The following DENND10 variants were observed in gnomAD, a reference collection of about 807,000 sequenced individuals.
DENND10 encodes the protein DENN domain-containing protein 10.
In DENND10, 24 loss-of-function variants were observed where a neutral mutation model predicts 43.6. That is an observed-to-expected ratio of 0.55 (90% CI 0.40 to 0.77). DENND10 has a LOEUF of 0.77. Ranked by LOEUF, DENND10 falls within the 30% of genes least tolerant of loss-of-function variation. The pLI is 0.00. For synonymous variants in DENND10, 125 were observed against 157.6 expected, an observed-to-expected ratio of 0.79 and a Z score of 1.55; for missense variants, 303 against 429.9, an observed-to-expected ratio of 0.70 and a Z score of 2.61.
chr10:119,105,523 G>A, intron 1 of DENND10: 1 of 1,164,348 alleles, frequency 8.6e-7, no homozygotes, highest in Non-Finnish European at 1.1e-6. Context: ...TTTCTAATGT[G>A]ATTTTCAAAC....
At chr10:119,124,084 T>C (rs1359356467) in intron 6 of DENND10, among the ~76,000 whole-genome samples, 2 of 151,100 alleles carry the variant, frequency 1.3e-5, no homozygotes, top group African/African-American at 4.9e-5. Flanking sequence ...TCCCAGCTAC[T>C]TGGGAGGCTG....
intron 6 of DENND10, among the ~76,000 whole-genome samples, chr10:119,128,459 T>C (rs941032636): frequency 3.3e-5 from 5 of 151,724 alleles, no homozygotes; most frequent in Admixed American, 6.6e-5. Context: ...AATACAAAAA[T>C]TAGCCAGGCG....
intron 6 of DENND10, among the ~76,000 whole-genome samples, chr10:119,126,996 T>C (rs1845868365): frequency 6.6e-6 from 1 of 151,750 alleles, no homozygotes; most frequent in Admixed American, 6.6e-5. Context: ...CTTCCTGGGC[T>C]TAAGCCATCC....
rs192969657 is a variant in DENND10 at position 119,109,611 on chromosome 10, G to T, written c.252+1447G>T. On this transcript the variant is annotated intron_variant, in intron 2 of 8. Coordinates refer to ENST00000361432, the MANE Select transcript of DENND10 (RefSeq NM_207009.4). ...ATTCATAGTTACAAAATATAAATTT[G>T]CAAGAAGATACTTTTTTTTTTTTTT... 5.4e-3 allele frequency among the ~76,000 whole-genome samples: 820 copies of T among 151,226 alleles called. 8 individuals are homozygous for T. The highest frequency in any genetic ancestry group is 0.019 in the African/African-American group (765 of 41,326).
intron 1 of DENND10, 23 bp downstream of exon 1, chr10:119,104,220 T>G: frequency 6.6e-7 from 1 of 1,504,182 alleles, no homozygotes; most frequent in South Asian, 1.3e-5. Context: ...GCGCCCTGCC[T>G]GGAAGCCCGC....
chr10:119,109,464 T>C (rs1844874383), intron 2 of DENND10, among the ~76,000 whole-genome samples: 2 of 152,148 alleles, frequency 1.3e-5, no homozygotes, highest in South Asian at 4.1e-4. Flanking sequence ...TAGGGCTAAT[T>C]TATAGCCAAT....
rs138381149 is a variant in DENND10 at position 119,135,555 on chromosome 10, G to A, written c.898-916G>A. Among the ~76,000 whole-genome samples, 1,060 of 152,056 alleles carry A rather than the reference G, an allele frequency of 7.0e-3. 8 individuals carry two copies. The highest frequency in any genetic ancestry group is 0.014 in the South Asian group (67 of 4,812). ...CTAATGAAATAAGCCAGACACTAAA[G>A]GGTAAATGTTGTATGATTCCACTTA... On this transcript the variant is annotated intron_variant, in intron 8 of 8. Transcript: ENST00000361432.
intron 8 of DENND10, chr10:119,134,637 G>A: frequency 6.6e-6 from 1 of 152,024 alleles, no homozygotes; most frequent in South Asian, 2.1e-4. Context: ...ACAGGCGTGA[G>A]CCACCATGCC....
intron 3 of DENND10, among the ~76,000 whole-genome samples, chr10:119,117,256 C>T (rs1430260211): frequency 6.6e-6 from 1 of 151,930 alleles, no homozygotes; most frequent in Non-Finnish European, 1.5e-5. Flanking sequence ...CCTGTAATCC[C>T]AGGTACTCGG....
At chr10:119,107,699 C>T (rs1036359970) in intron 1 of DENND10, among the ~76,000 whole-genome samples, 4 of 152,070 alleles carry the variant, frequency 2.6e-5, no homozygotes, top group Non-Finnish European at 5.9e-5. Flanking sequence ...CCATCGTGCC[C>T]GGCCAAAACT....
At chr10:119,130,660 C>G (rs761122301) in intron 7 of DENND10, among the ~76,000 whole-genome samples, 1 of 152,180 alleles carries the variant, frequency 6.6e-6, no homozygotes, top group African/African-American at 2.4e-5. Context: ...GGTAGTTTGG[C>G]TCAGGAAGTT....
intron 1 of DENND10, among the ~76,000 whole-genome samples, chr10:119,106,534 G>A (rs1488631816): frequency 1.3e-5 from 2 of 151,982 alleles, no homozygotes; most frequent in East Asian, 3.9e-4. Flanking sequence ...GTAGAGATGC[G>A]GTCTCACTAT....
chr10:119,134,808 T>G (rs1846240506), intron 8 of DENND10: 2 of 152,234 alleles, frequency 1.3e-5, no homozygotes, highest in Admixed American at 6.5e-5. Flanking sequence ...CTCAAAAAGT[T>G]AAACATCAAG....
At chr10:119,123,691 C>A (rs1444776198) in intron 6 of DENND10, 122 bp downstream of exon 6, 2 of 728,130 alleles carry the variant, frequency 2.7e-6, no homozygotes, top group Non-Finnish European at 4.6e-6. Context: ...CTCACCGCAA[C>A]GTCCGCCTTC....
At chr10:119,114,719 T>C (rs1322369616) in intron 3 of DENND10, 1 of 152,212 alleles carries the variant, frequency 6.6e-6, no homozygotes, top group African/African-American at 2.4e-5. Flanking sequence ...AGTCATCTTA[T>C]CCTACCAACC....
intron 8 of DENND10, 42 bp from the exon 9 acceptor site, chr10:119,136,429 C>T (rs766704180): frequency 1.6e-5 from 25 of 1,563,134 alleles, no homozygotes; most frequent in Admixed American, 1.0e-4. Flanking sequence ...ATTCAAATTT[C>T]GGATACTAAC....
At chr10:119,111,759 C>T in intron 2 of DENND10, 90 bp from the exon 3 acceptor site, 2 of 1,018,832 alleles carry the variant, frequency 2.0e-6, no homozygotes, top group Non-Finnish European at 3.0e-6. Context: ...ACTGTTGTGT[C>T]TTATACAAAA....
chr10:119,131,490 A>G (rs893092994), intron 7 of DENND10, among the ~76,000 whole-genome samples: 1 of 152,182 alleles, frequency 6.6e-6, no homozygotes, highest in South Asian at 2.1e-4. Context: ...ATTGTCCCAA[A>G]TTACAGCTAC....
chr10:119,116,967 A>G (rs1380743876), intron 3 of DENND10, among the ~76,000 whole-genome samples: 1 of 151,996 alleles, frequency 6.6e-6, no homozygotes, highest in African/African-American at 2.4e-5. Context: ...GGCATGAGCC[A>G]CTGCGCCCGG....
Sources: allele counts gnomAD v4.1 joint callset (sites outside exome capture counted in the v4.1 genomes callset), GRCh38; gene constraint gnomAD v4.1.1; transcripts MANE v1.5; gene names NCBI Gene and HGNC (gene_info 2026-07-23, HGNC 2026-07-21).